Variants in UGT1A10 observed in about 807,000 individuals in gnomAD.
UGT1A10 encodes UDP-glucuronosyltransferase 1A10.
Under a neutral mutation model 45.8 loss-of-function variants are expected in UGT1A10, and 49 were observed. The observed-to-expected ratio is 1.07, with a 90% CI of 0.85 to 1.36. The LOEUF (loss-of-function observed/expected upper bound fraction) is 1.36, where lower values mean the gene tolerates loss of function less well. Among genes scored for constraint, UGT1A10 ranks in the 40% most tolerant of loss-of-function variants. The pLI is 0.00. For missense variants in UGT1A10, 745 were observed against 668.6 expected, an observed-to-expected ratio of 1.11 and a Z score of -1.26; for synonymous variants, 284 against 249.7, an observed-to-expected ratio of 1.14 and a Z score of -1.29.
chr2:233,724,889 T>A lies in UGT1A10; in HGVS notation c.856-42145T>A, dbSNP rs2077329092. On this transcript the variant is annotated intron_variant, in intron 1 of 4. Coordinates refer to ENST00000344644, the MANE Select transcript of UGT1A10 (RefSeq NM_019075.4). The stretch of plus-strand genomic sequence containing the variant: ...TTGTAGTGAGCGGAGATCACGCCAC[T>A]GCACTCCAGCCTGGGCACCATTGAG... 1.5e-5 allele frequency among the ~76,000 whole-genome samples: 2 copies of A among 135,370 alleles called. 1 individual carries two copies. Among genetic ancestry groups the A allele is most frequent in the Non-Finnish European group, 3.1e-5 (2 of 64,272 alleles). The allele number at this position is 135,370 out of a possible 152,430, so 88.8% of individuals were successfully genotyped here. A position where few individuals can be genotyped will look rare whatever the true frequency, so the allele number is the denominator to read the frequency against.
intron 1 of UGT1A10, among the ~76,000 whole-genome samples, chr2:233,684,106 A>C (rs1213286130): frequency 6.6e-6 from 1 of 152,136 alleles, no homozygotes; most frequent in African/African-American, 2.4e-5. Context: ...ATTTTTATCT[A>C]TTGTTCTGGC....
chr2:233,684,198 C>T (rs1414669213), intron 1 of UGT1A10, among the ~76,000 whole-genome samples: 1 of 152,134 alleles, frequency 6.6e-6, no homozygotes, highest in African/African-American at 2.4e-5. Context: ...AGTGACTGTT[C>T]AACCAACTCA....
chr2:233,745,215 C>A (rs1693043227), intron 1 of UGT1A10, among the ~76,000 whole-genome samples: 1 of 151,738 alleles, frequency 6.6e-6, no homozygotes, highest in African/African-American at 2.4e-5. Context: ...TCCTCTCAGA[C>A]AAAAGGAAAT....
At chr2:233,659,751 C>T (rs1364010433) in intron 1 of UGT1A10, among the ~76,000 whole-genome samples, 2 of 152,326 alleles carry the variant, frequency 1.3e-5, no homozygotes, top group East Asian at 1.9e-4. Flanking sequence ...ATGAATTCTT[C>T]TTCACCATTT....
At chr2:233,641,690 G>A (rs1396945904) in intron 1 of UGT1A10, among the ~76,000 whole-genome samples, 2 of 152,078 alleles carry the variant, frequency 1.3e-5, no homozygotes, top group African/African-American at 2.4e-5. Flanking sequence ...TTGTAGGATC[G>A]GTCTGGAATT....
At chr2:233,689,904 G>A in intron 1 of UGT1A10, 2 of 456,704 alleles carry the variant, frequency 4.4e-6, no homozygotes, top group Non-Finnish European at 8.8e-6. Flanking sequence ...CTCAGGGCCA[G>A]GTAGGTGCCT....
chr2:233,713,920 T>C (rs1335071739), intron 1 of UGT1A10: 4 of 1,612,180 alleles, frequency 2.5e-6, no homozygotes. Context: ...AAAAATGTAT[T>C]TACTTACAAG....
chr2:233,682,079 C>T lies in UGT1A10; in HGVS notation c.855+44702C>T, dbSNP rs1575428068. 3.1e-6 allele frequency: 5 copies of T among 1,614,000 alleles called. No individual in the cohort carries two copies. In the South Asian group the frequency reaches 5.5e-5, roughly 18 times the overall value. Reference sequence around the variant, plus strand: ...CACCATGCAGTCGGTGGTGGAGAAACTCATCCTCAGGGGGCATGAGGTGGT... The same window carrying T: ...CACCATGCAGTCGGTGGTGGAGAAATTCATCCTCAGGGGGCATGAGGTGGT... On this transcript the variant is annotated intron_variant, in intron 1 of 4. Coordinates refer to ENST00000344644, the MANE Select transcript of UGT1A10 (RefSeq NM_019075.4).
intron 1 of UGT1A10, among the ~76,000 whole-genome samples, chr2:233,683,306 A>G (rs1199443258): frequency 6.6e-6 from 1 of 152,132 alleles, no homozygotes; most frequent in East Asian, 1.9e-4. Flanking sequence ...AGGTCAATGC[A>G]TACAGATTTG....
chr2:233,763,933 G>A (rs1374530707), intron 1 of UGT1A10, among the ~76,000 whole-genome samples: 1 of 152,232 alleles, frequency 6.6e-6, no homozygotes, highest in African/African-American at 2.4e-5. Context: ...ATGGCCAGGA[G>A]AGGAAAGCTT....
chr2:233,713,246 C>T (rs2076296545), intron 1 of UGT1A10: 1 of 1,614,080 alleles, frequency 6.2e-7, no homozygotes, highest in African/African-American at 1.3e-5. Context: ...TTTCATGGAC[C>T]CAGGACGAAT....
chr2:233,716,731 A>G (rs28898604), intron 1 of UGT1A10, among the ~76,000 whole-genome samples: 1,732 of 152,296 alleles, frequency 0.011, 26 homozygotes, highest in African/African-American at 0.04. Context: ...TTATATGTTT[A>G]GCTCTGTGAG....
Position 233,636,706 on chromosome 2 carries a change from G to A in UGT1A10, c.184G>A (p.Val62Met), listed in dbSNP as rs770658615. Residue 62 changes from valine (V) to methionine (M), a missense_variant, in exon 1 of 5, where the codon GTG becomes ATG. By Grantham distance (21) the Val-to-Met change is conservative. Transcript: ENST00000344644. ...TGAGGTGGTTGTAGTCATGCCAGAG[G>A]TGAGTTGGCAACTGGAAAGATCACT... ...GHEVVVVMPE[V>M]SWQLERSLNC... 5.0e-6 allele frequency: 8 copies of A among 1,614,172 alleles called. No homozygotes were observed. The South Asian group carries it at 5.5e-5, about 11-fold the overall frequency.
rs999962124 is a variant in UGT1A10 at position 233,747,799 on chromosome 2, A to G, written c.856-19235A>G. The G allele has an allele frequency of 2.5e-6, 4 of 1,613,352 alleles. No homozygotes were observed. The African/African-American group carries it at 4.0e-5, about 16-fold the overall frequency. ...CCAAATCCTTCCTCCTATATTCCTA[A>G]GTTACTAACGACCAATTCAGACCAC... On this transcript the variant is annotated intron_variant, in intron 1 of 4. Coordinates refer to ENST00000344644, the MANE Select transcript of UGT1A10 (RefSeq NM_019075.4).
At chr2:233,721,816 C>A (rs1463155812) in intron 1 of UGT1A10, 4 of 516,128 alleles carry the variant, frequency 7.8e-6, no homozygotes, top group Non-Finnish European at 1.6e-5. Context: ...AAATCCAGCA[C>A]CCTATTTGGG....
chr2:233,672,399 A>G, intron 1 of UGT1A10: 1 of 1,614,050 alleles, frequency 6.2e-7, no homozygotes. Flanking sequence ...ACTGTGGCTT[A>G]ATTGTTGCCA....
At chr2:233,714,923 C>A (rs532200319) in intron 1 of UGT1A10, among the ~76,000 whole-genome samples, 1 of 152,298 alleles carries the variant, frequency 6.6e-6, no homozygotes, top group Admixed American at 6.5e-5. Context: ...GTCACCCAGT[C>A]TGGAGTGCAG....
chr2:233,755,133 A>G, intron 1 of UGT1A10: 1 of 1,319,072 alleles, frequency 7.6e-7, no homozygotes, highest in Non-Finnish European at 1.0e-6. Context: ...CACCTGCTTG[A>G]ATCTTCTCAC....
At chr2:233,771,377 T>A (rs1700299205) in intron 4 of UGT1A10, 1 of 152,184 alleles carries the variant, frequency 6.6e-6, no homozygotes, top group Non-Finnish European at 1.5e-5. Flanking sequence ...CCGTTTTGGA[T>A]TGAGATGTTC....
Sources: gnomAD v4.1 joint callset for allele counts (sites outside exome capture counted in the v4.1 genomes callset) on GRCh38, gnomAD v4.1.1 for gene constraint, MANE v1.5 for transcripts, NCBI Gene and HGNC (gene_info 2026-07-23, HGNC 2026-07-21) for gene names.